PTPRT: variants seen among roughly 807,000 people sequenced by gnomAD.
PTPRT encodes receptor-type tyrosine-protein phosphatase T.
A neutral mutation model predicts 176.8 loss-of-function variants in PTPRT; 56 were observed. That is an observed-to-expected ratio of 0.32 (90% confidence interval 0.26 to 0.40). The LOEUF (loss-of-function observed/expected upper bound fraction) is 0.40, where lower values mean the gene tolerates loss of function less well. Ranked by LOEUF, PTPRT falls within the 10% of genes least tolerant of loss-of-function variation. The pLI is 1.00. For missense variants in PTPRT, 1,540 were observed against 1,908.2 expected (o/e 0.81, Z 3.60); for synonymous variants, 783 against 739.0 (o/e 1.06, Z -0.96).
intron 7 of PTPRT, among the ~76,000 whole-genome samples, chr20:42,529,138 A>T (rs528791256): frequency 5.3e-5 from 8 of 152,352 alleles, no homozygotes; most frequent in Non-Finnish European, 1.5e-5. Flanking sequence ...CATAACCCTG[A>T]TTCAGCTTCC....
intron 9 of PTPRT, among the ~76,000 whole-genome samples, chr20:42,366,255 C>T (rs994991632): frequency 5.3e-5 from 8 of 152,254 alleles, no homozygotes; most frequent in Admixed American, 5.2e-4. Context: ...CTTCCCTCCC[C>T]TGAGTGCCCA....
intron 19 of PTPRT, among the ~76,000 whole-genome samples, chr20:42,124,756 T>C (rs1213464115): frequency 6.6e-6 from 1 of 152,168 alleles, no homozygotes; most frequent in South Asian, 2.1e-4. Flanking sequence ...TGCTGGAGTA[T>C]GTAGTTGGTT....
intron 1 of PTPRT, among the ~76,000 whole-genome samples, chr20:43,117,917 T>G (rs1432185521): frequency 6.6e-6 from 1 of 152,180 alleles, no homozygotes. Context: ...CTTTTGTAAC[T>G]AGATAGCATC....
intron 5 of PTPRT, among the ~76,000 whole-genome samples, chr20:42,763,220 C>A (rs1253683642): frequency 6.6e-6 from 1 of 152,202 alleles, no homozygotes; most frequent in Non-Finnish European, 1.5e-5. Flanking sequence ...AGTGTCATGA[C>A]ATTATTTCCT....
At chr20:42,484,285 G>A (rs1295567926) in intron 7 of PTPRT, among the ~76,000 whole-genome samples, 3 of 152,116 alleles carry the variant, frequency 2.0e-5, no homozygotes, top group East Asian at 1.9e-4. Context: ...AACTTAATAA[G>A]TATTTGCGTC....
intron 1 of PTPRT, among the ~76,000 whole-genome samples, chr20:42,934,334 G>A (rs1980043005): frequency 6.6e-6 from 1 of 152,200 alleles, no homozygotes; most frequent in African/African-American, 2.4e-5. Flanking sequence ...AAGGAAAATA[G>A]TTTTCAAACA....
chr20:42,884,824 C>T (rs908868354), intron 2 of PTPRT, among the ~76,000 whole-genome samples: 6 of 152,136 alleles, frequency 3.9e-5, no homozygotes, highest in Non-Finnish European at 5.9e-5. Flanking sequence ...TTTACAACTG[C>T]AGCAGGGACA....
intron 1 of PTPRT, among the ~76,000 whole-genome samples, chr20:42,897,330 T>C (rs569515474): frequency 4.5e-4 from 68 of 152,296 alleles, no homozygotes; most frequent in African/African-American, 1.6e-3. Flanking sequence ...CTGTGAGACT[T>C]TGTGCAGCAA....
intron 14 of PTPRT, among the ~76,000 whole-genome samples, chr20:42,238,645 A>T (rs1403689874): frequency 6.6e-6 from 1 of 152,234 alleles, no homozygotes. Flanking sequence ...TGAGCTGAGA[A>T]TCAAGAGGCC....
At chr20:42,803,944 A>C (rs1322055325) in intron 2 of PTPRT, among the ~76,000 whole-genome samples, 1 of 152,148 alleles carries the variant, frequency 6.6e-6, no homozygotes, top group Non-Finnish European at 1.5e-5. Context: ...TCCCTACCCC[A>C]GTGAGGGCCA....
chr20:42,703,534 C>A (rs1342276114), intron 6 of PTPRT, among the ~76,000 whole-genome samples: 1 of 152,156 alleles, frequency 6.6e-6, no homozygotes, highest in African/African-American at 2.4e-5. Context: ...GTGGGCCCAG[C>A]AACATAGAGT....
At chr20:42,871,528 G>A (rs2145825282) in intron 2 of PTPRT, among the ~76,000 whole-genome samples, 1 of 152,130 alleles carries the variant, frequency 6.6e-6, no homozygotes, top group South Asian at 2.1e-4. Flanking sequence ...CTGTACTTTT[G>A]GTGTTATATC....
chr20:42,599,634 C>T (rs2145785065), intron 7 of PTPRT, among the ~76,000 whole-genome samples: 1 of 152,192 alleles, frequency 6.6e-6, no homozygotes. Context: ...CCTTCATTTG[C>T]CTTCCCTGGA....
intron 5 of PTPRT, among the ~76,000 whole-genome samples, chr20:42,769,542 C>A (rs2077033044): frequency 6.6e-6 from 1 of 152,132 alleles, no homozygotes; most frequent in South Asian, 2.1e-4. Flanking sequence ...AATGGTACAA[C>A]CATTTTTTCA....
intron 7 of PTPRT, among the ~76,000 whole-genome samples, chr20:42,652,122 C>T (rs2075043889): frequency 3.3e-5 from 5 of 151,532 alleles, no homozygotes; most frequent in Admixed American, 3.3e-4. Context: ...TCTTCAATTG[C>T]TATTAATAAG....
intron 9 of PTPRT, among the ~76,000 whole-genome samples, chr20:42,415,248 T>C (rs2059054410): frequency 6.6e-6 from 1 of 152,198 alleles, no homozygotes; most frequent in African/African-American, 2.4e-5. Context: ...GTGGTGTAAT[T>C]ATGGCTCACT....
intron 6 of PTPRT, among the ~76,000 whole-genome samples, chr20:42,734,092 G>A (rs2076502430): frequency 1.3e-5 from 2 of 152,332 alleles, no homozygotes; most frequent in South Asian, 2.1e-4. Context: ...GCCTGAGCCA[G>A]CTTGTAGCTG....
At chr20:43,174,361 TAAAACCCTTGA>T (rs1221920748) in intron 1 of PTPRT, among the ~76,000 whole-genome samples, 1 of 152,192 alleles carries the variant, frequency 6.6e-6, no homozygotes. Flanking sequence ...TGATAATTAG[TAAAACCCTTGA>T]AAAGTATCTG....
chr20:42,363,270 T>TTTTATATATATATATA (rs1312740759), intron 9 of PTPRT, among the ~76,000 whole-genome samples: 5 of 30,376 alleles, frequency 1.6e-4, no homozygotes, highest in Admixed American at 5.6e-4. Flanking sequence ...TTTATTACAA[T>TTTTATATATATATATA]TATATATATA....
Sources: gnomAD v4.1 joint callset for allele counts (sites outside exome capture counted in the v4.1 genomes callset) on GRCh38, gnomAD v4.1.1 for gene constraint, MANE v1.5 for transcripts, NCBI Gene and HGNC (gene_info 2026-07-23, HGNC 2026-07-21) for gene names.